TBC1D9B: variants seen among roughly 807,000 people sequenced by gnomAD.
TBC1D9B encodes the protein TBC1 domain family member 9B.
A neutral mutation model predicts 121.1 loss-of-function variants in TBC1D9B; 87 were observed. The observed-to-expected ratio is 0.72, with a 90% CI of 0.60 to 0.86. TBC1D9B has a LOEUF of 0.86. TBC1D9B is among the 40% of genes least tolerant of loss of function. The pLI, the probability that TBC1D9B is intolerant of heterozygous loss-of-function variation, is 0.00. For missense variants in TBC1D9B, 1,540 were observed against 1,628.6 expected (o/e 0.95, Z 0.94); for synonymous variants, 668 against 670.1 (o/e 1.00, Z 0.05).
At chr5:179,881,971 G>GTTTTTT (rs1760556788) in intron 7 of TBC1D9B, among the ~76,000 whole-genome samples, 1 of 129,292 alleles carries the variant, frequency 7.7e-6, no homozygotes, top group African/African-American at 3.9e-5. Context: ...TTGAGATGGA[G>GTTTTTT]TCTTGCTCTG....
chr5:179,886,883 G>A (rs62407264), intron 7 of TBC1D9B, among the ~76,000 whole-genome samples: 10,954 of 152,294 alleles, frequency 0.072, 561 homozygotes, highest in Non-Finnish European at 0.11. Context: ...GACCAGTGTC[G>A]TGCCCAGGGA....
rs569205460 is a variant in TBC1D9B, at chr5:179,900,718, C to T, written c.230-1411G>A. Among the ~76,000 whole-genome samples, 268 of 152,318 alleles carry T rather than the reference C, an allele frequency of 1.8e-3. 1 individual carries two copies. The highest frequency in any genetic ancestry group is 6.1e-3 in the African/African-American group (253 of 41,572). ...CCCTGATCGATTGGCATTGAGCTCACGGCCAGCAGCACTATCACTCACGCC... is the reference window on the plus strand; with the variant it reads ...CCCTGATCGATTGGCATTGAGCTCATGGCCAGCAGCACTATCACTCACGCC... On this transcript the variant is annotated intron_variant, in intron 2 of 20. Transcript: ENST00000355235.
intron 10 of TBC1D9B, among the ~76,000 whole-genome samples, chr5:179,877,070 CAAAAAA>C (rs58537646): frequency 2.9e-5 from 1 of 34,142 alleles, no homozygotes; most frequent in African/African-American, 9.5e-5. Context: ...GATCCTGTCT[CAAAAAA>C]AAAAAAAAAA....
intron 15 of TBC1D9B, 142 bp downstream of exon 15, chr5:179,871,320 G>T: frequency 2.6e-6 from 2 of 780,064 alleles, no homozygotes; most frequent in Non-Finnish European, 4.1e-6. Context: ...CTGCATCTGA[G>T]GATGCACTTA....
chr5:179,863,331 C>T lies in TBC1D9B; in HGVS notation c.*117G>A. 1 of 1,222,252 alleles carries T rather than the reference C, an allele frequency of 8.2e-7. No homozygotes were observed. The highest frequency in any genetic ancestry group is 1.1e-6 in the Non-Finnish European group (1 of 882,690). The allele number at this position is 1,222,252 out of a possible 1,614,324, so 75.7% of individuals were successfully genotyped here. Reference sequence around the variant, plus strand: ...TTCTTTCCACTCACAACTCACTGCTCCTGGGAGAGCAGGAGGGGCACACCT... The same window carrying T: ...TTCTTTCCACTCACAACTCACTGCTTCTGGGAGAGCAGGAGGGGCACACCT... On this transcript the variant is annotated 3_prime_UTR_variant, in exon 21 of 21. Transcript: ENST00000355235. The surrounding 1 kb of genome is among the most constrained non-coding windows in gnomAD (Gnocchi z 4.5).
intron 12 of TBC1D9B, among the ~76,000 whole-genome samples, chr5:179,873,689 C>A (rs1366330325): frequency 1.3e-5 from 2 of 152,102 alleles, no homozygotes; most frequent in Non-Finnish European, 2.9e-5. Context: ...TGCTGCAGCC[C>A]AGGGAATCAG....
In TBC1D9B at chr5:179,907,425, G is replaced by A. The variant is rs1761354972; in HGVS notation, c.118+279C>T. 1.3e-5 allele frequency among the ~76,000 whole-genome samples: 2 copies of A among 151,174 alleles called. No homozygotes were observed. Among genetic ancestry groups the A allele is most frequent in the African/African-American group, 2.4e-5 (1 of 41,382 alleles). On this transcript the variant is annotated intron_variant, in intron 1 of 20. Transcript: ENST00000355235. The surrounding 1 kb of genome is among the most constrained non-coding windows in gnomAD (Gnocchi z 5.3). The stretch of plus-strand genomic sequence containing the variant: ...TCGCGGGCGCCGAATCCGGGCAGAA[G>A]CCGCCGCCGGTCTCCACTTGGCCGC...
intron 14 of TBC1D9B, 109 bp downstream of exon 14, chr5:179,872,783 G>T (rs1247281465): frequency 2.9e-6 from 3 of 1,019,228 alleles, no homozygotes; most frequent in Non-Finnish European, 4.5e-6. Context: ...ACATACCAAA[G>T]CAGTGTAGGA....
Position 179,893,162 on chromosome 5 carries a change from C to T in TBC1D9B, c.836+47G>A, listed in dbSNP as rs200332171. On this transcript the variant is annotated intron_variant, in intron 5 of 20. Transcript: ENST00000355235. ...CCAGGCAGGTCCCAGCCAAGGTCAG[C>T]GAACCTGGCTCACATGAGCCCACCC... 3.6e-5 allele frequency: 56 copies of T among 1,550,690 alleles called. No homozygotes were observed. In the East Asian group the frequency reaches 5.2e-4, roughly 14 times the overall value.
rs566091041 is a variant in TBC1D9B at position 179,874,068 on chromosome 5, G to C, written c.2187-820C>G. 6.6e-6 allele frequency among the ~76,000 whole-genome samples: 1 copy of C among 152,318 alleles called. No homozygotes were observed. The highest frequency in any genetic ancestry group is 1.9e-4 in the East Asian group (1 of 5,178). Reference sequence around the variant, plus strand: ...GCCATGGGCAAGTGGCAGAGTCCCAGGCTGTTCCTGGGGGCTGGGGGCATT... The same window carrying C: ...GCCATGGGCAAGTGGCAGAGTCCCACGCTGTTCCTGGGGGCTGGGGGCATT... On this transcript the variant is annotated intron_variant, in intron 12 of 20. Transcript: ENST00000355235. The surrounding 1 kb of genome is among the most constrained non-coding windows in gnomAD (Gnocchi z 4.3).
chr5:179,888,347 A>G, intron 6 of TBC1D9B, 35 bp from the exon 7 acceptor site: 1 of 1,603,718 alleles, frequency 6.2e-7, no homozygotes, highest in Non-Finnish European at 8.5e-7. Flanking sequence ...GGGTGTCTGC[A>G]TCTCAGGCCC....
Position 179,863,644 on chromosome 5 carries a change from G to T in TBC1D9B, c.3506C>A (p.Ala1169Glu), listed in dbSNP as rs775109007. The part of the protein sequence containing the change: ...LVGGEACSPT[A>E]RIGGTVDTDW... ...GGTGTCGACGGTGCCGCCGATGCGCGCTGTGGGGCTGCAGGCCTCCCCGCC... is the reference window on the plus strand; with the variant it reads ...GGTGTCGACGGTGCCGCCGATGCGCTCTGTGGGGCTGCAGGCCTCCCCGCC... Residue 1169 changes from alanine to glutamate, a missense_variant, in exon 21 of 21, where the codon GCG becomes GAG. Ala to Glu is a moderately radical substitution (Grantham distance 107, BLOSUM62 -1). Coordinates refer to ENST00000355235, the MANE Select transcript of TBC1D9B (RefSeq NM_015043.4). The surrounding 1 kb of genome is among the most constrained non-coding windows in gnomAD (Gnocchi z 4.5). 6.2e-7 allele frequency: 1 copy of T among 1,613,802 alleles called. No individual in the cohort carries two copies.
rs558939226 is a variant in TBC1D9B, at chr5:179,895,081, A to C, written c.349-467T>G. On this transcript the variant is annotated intron_variant, in intron 3 of 20. Coordinates refer to ENST00000355235, the MANE Select transcript of TBC1D9B (RefSeq NM_015043.4). ...TTGCCATGTTGCCCAGGCTGGTCTC[A>C]AACTCCTGGGCTCAAGTGATCCGCC... Among the ~76,000 whole-genome samples, 308 of 152,022 alleles carry C rather than the reference A, an allele frequency of 2.0e-3. 3 individuals are homozygous for C. Among genetic ancestry groups the C allele is most frequent in the Non-Finnish European group, 3.5e-3 (239 of 67,960 alleles).
At chr5:179,887,002 C>T (rs1445882651) in intron 7 of TBC1D9B, among the ~76,000 whole-genome samples, 3 of 152,170 alleles carry the variant, frequency 2.0e-5, no homozygotes, top group African/African-American at 7.2e-5. Flanking sequence ...TTCATAATTA[C>T]AATAAAAAGT....
intron 2 of TBC1D9B, among the ~76,000 whole-genome samples, chr5:179,903,627 T>C (rs1431216276): frequency 2.0e-5 from 3 of 152,182 alleles, no homozygotes; most frequent in Admixed American, 2.0e-4. Context: ...AAAGATGCCT[T>C]ATTTAATACG....
rs1760316675 is a variant in TBC1D9B at position 179,874,938 on chromosome 5, C to T, written c.2150G>A (p.Cys717Tyr). The T allele has an allele frequency of 6.2e-7, 1 of 1,613,522 alleles. No homozygotes were observed. The highest frequency in any genetic ancestry group is 1.7e-5 in the Admixed American group (1 of 60,016). The change falls in exon 12 of 21, where the codon TGC becomes TAC. Residue 717 changes from cysteine (C) to tyrosine (Y), a missense_variant. Physicochemically the swap from Cys to Tyr is radical, Grantham distance 194. Transcript: ENST00000355235. This position sits in a 1 kb window ranked among gnomAD's most constrained non-coding sequence, Gnocchi z 4.3. ...LDANMEQLLGCSDEGEAMTML... is the reference protein window; with the variant it reads ...LDANMEQLLGYSDEGEAMTML... ...GGTCATGGCCTCGCCCTCGTCGCTGCAGCCCAGCAGCTGCTCCATGTTGGC... is the reference window on the plus strand; with the variant it reads ...GGTCATGGCCTCGCCCTCGTCGCTGTAGCCCAGCAGCTGCTCCATGTTGGC...
chr5:179,895,954 C>G (rs1335768307), intron 3 of TBC1D9B, among the ~76,000 whole-genome samples: 1 of 152,248 alleles, frequency 6.6e-6, no homozygotes, highest in Non-Finnish European at 1.5e-5. Context: ...CTCCCTCCCC[C>G]TTTCTGCCTA....
intron 1 of TBC1D9B, among the ~76,000 whole-genome samples, chr5:179,905,241 T>G (rs1408158165): frequency 6.6e-6 from 1 of 152,174 alleles, no homozygotes; most frequent in Non-Finnish European, 1.5e-5. Flanking sequence ...ACCAACACAA[T>G]GTTTTCCTAA....
Position 179,890,134 on chromosome 5 carries a change from G to A in TBC1D9B, c.1044+1245C>T, listed in dbSNP as rs1468355573. 6.6e-6 allele frequency among the ~76,000 whole-genome samples: 1 copy of A among 152,202 alleles called. No homozygotes were observed. The highest frequency in any genetic ancestry group is 2.4e-5 in the African/African-American group (1 of 41,442). On this transcript the variant is annotated intron_variant, in intron 6 of 20. Transcript: ENST00000355235. The surrounding 1 kb of genome is among the most constrained non-coding windows in gnomAD (Gnocchi z 5.0). Reference sequence around the variant, plus strand: ...GGGTGGTTGGGAGTGAAATTCAAGAGTCCACTACACCCACAGCAGAGTGAG... The same window carrying A: ...GGGTGGTTGGGAGTGAAATTCAAGAATCCACTACACCCACAGCAGAGTGAG...
Sources: allele counts gnomAD v4.1 joint callset (sites outside exome capture counted in the v4.1 genomes callset), GRCh38; gene constraint gnomAD v4.1.1; non-coding constraint Gnocchi (gnomAD v3.1); transcripts MANE v1.5; gene names NCBI Gene and HGNC (gene_info 2026-07-23, HGNC 2026-07-21).